Variants in AOX1 observed in about 807,000 individuals in gnomAD.
AOX1 encodes aldehyde oxidase.
In AOX1, 153 loss-of-function variants were observed where a neutral mutation model predicts 169.5. The observed-to-expected ratio is 0.90, with a 90% CI of 0.79 to 1.03. AOX1 has a LOEUF of 1.03. AOX1 is among the 50% of genes least tolerant of loss of function. The pLI is 0.00. For synonymous variants in AOX1, 562 were observed against 581.9 expected (o/e 0.97, Z 0.49); for missense variants, 1,656 against 1,663.9 (o/e 1.00, Z 0.08).
Position 200,599,683 on chromosome 2 carries a change from A to ATCT in AOX1, c.374_376dup (p.Ile125_Tyr126insPhe). 1 of 1,613,346 alleles carries ATCT rather than the reference A, an allele frequency of 6.2e-7. No individual in the cohort carries two copies. Among genetic ancestry groups the ATCT allele is most frequent in the Non-Finnish European group, 8.5e-7 (1 of 1,179,518 alleles). ...CTGCACACCTGGGATGGTGATGTCCATCTACACGCTGCTCAGGAACCACCC... is the reference window on the plus strand; with the variant it reads ...CTGCACACCTGGGATGGTGATGTCCATCTTCTACACGCTGCTCAGGAACCACCC... On this transcript the variant is annotated inframe_insertion, in exon 5 of 35. Coordinates refer to ENST00000374700, the MANE Select transcript of AOX1 (RefSeq NM_001159.4).
At chr2:200,681,466 A>G (rs896953735), downstream of AOX1, 1 of 152,686 alleles carries the variant, frequency 6.5e-6, no homozygotes, top group Non-Finnish European at 1.5e-5. Context: ...CTCTCCACAG[A>G]GCAATTAATG....
At chr2:200,589,704 C>T (rs1396750438) in intron 1 of AOX1, among the ~76,000 whole-genome samples, 2 of 152,160 alleles carry the variant, frequency 1.3e-5, no homozygotes, top group African/African-American at 4.8e-5. Context: ...GTTTCATTAG[C>T]AGAGCCAGAA....
rs2034943230 is a variant in AOX1, at chr2:200,623,886, G to A, written c.2027G>A (p.Cys676Tyr). Residue 676 changes from cysteine (C) to tyrosine (Y), a missense_variant, in exon 19 of 35, where the codon TGT becomes TAT. Coordinates refer to ENST00000374700, the MANE Select transcript of AOX1 (RefSeq NM_001159.4). ...GTGTTCTGTGTGGGTCAGCTTGTCT[G>A]TGCTGTGCTTGCCGATTCTGAGGTT... ...DKVFCVGQLVCAVLADSEVQA... is the reference protein window; with the variant it reads ...DKVFCVGQLVYAVLADSEVQA... 6.2e-7 allele frequency: 1 copy of A among 1,614,078 alleles called. No homozygotes were observed.
chr2:200,673,384 C>A (rs111818809), downstream of AOX1, among the ~76,000 whole-genome samples: 1 of 152,178 alleles, frequency 6.6e-6, no homozygotes, highest in Non-Finnish European at 1.5e-5. Flanking sequence ...GTTGCTAGGC[C>A]GGAAACGGGA....
At chr2:200,589,678 G>C (rs942346341) in intron 1 of AOX1, among the ~76,000 whole-genome samples, 1 of 152,162 alleles carries the variant, frequency 6.6e-6, no homozygotes, top group Non-Finnish European at 1.5e-5. Context: ...TTGCTATCTG[G>C]ACTATAAAAT....
At chr2:200,586,942 C>T (rs376931290) in intron 1 of AOX1, among the ~76,000 whole-genome samples, 9 of 152,276 alleles carry the variant, frequency 5.9e-5, no homozygotes, top group African/African-American at 1.9e-4. Flanking sequence ...GTTTCATTGA[C>T]ATTACTCTGA....
intron 28 of AOX1, 117 bp from the exon 29 acceptor site, chr2:200,659,878 C>T: frequency 1.3e-6 from 1 of 770,498 alleles, no homozygotes; most frequent in Non-Finnish European, 2.1e-6. Flanking sequence ...GGGTTGGTGT[C>T]TTATTTTTCC....
intron 25 of AOX1, among the ~76,000 whole-genome samples, chr2:200,650,603 A>G (rs994388324): frequency 4.6e-5 from 7 of 152,242 alleles, no homozygotes; most frequent in African/African-American, 1.7e-4. Flanking sequence ...CTTGCAACAT[A>G]GCATGGGAGT....
intron 25 of AOX1, among the ~76,000 whole-genome samples, chr2:200,650,696 G>A (rs572788444): frequency 1.1e-4 from 16 of 152,328 alleles, no homozygotes; most frequent in African/African-American, 3.4e-4. Flanking sequence ...TACATGGACT[G>A]TGTTGAGTTA....
intron 15 of AOX1, 72 bp from the exon 16 acceptor site, chr2:200,615,899 C>T: frequency 1.8e-6 from 2 of 1,128,512 alleles, no homozygotes; most frequent in Non-Finnish European, 2.7e-6. Flanking sequence ...AAGACTCATG[C>T]TAGCCTCACT....
At chr2:200,617,000 C>T (rs577335726) in intron 16 of AOX1, among the ~76,000 whole-genome samples, 4 of 152,240 alleles carry the variant, frequency 2.6e-5, no homozygotes, top group African/African-American at 4.8e-5. Flanking sequence ...GCCATCTCCC[C>T]GGTGTTCTTT....
At position 200,605,507 on chromosome 2, in the gene AOX1, T is replaced by C. The variant is rs760348428; in HGVS notation, c.815-29T>C. The C allele has an allele frequency of 1.9e-5, 20 of 1,045,582 alleles. 1 individual carries two copies. The highest frequency in any genetic ancestry group is 6.3e-5 in the Admixed American group (2 of 31,906). The allele number at this position is 1,045,582 out of a possible 1,614,324, so 64.8% of individuals were successfully genotyped here. On this transcript the variant is annotated intron_variant, in intron 9 of 34. Coordinates refer to ENST00000374700, the MANE Select transcript of AOX1 (RefSeq NM_001159.4). ...AGTTAGTTCCTTTATTCTAGTCTTA[T>C]TGATTTTTTTTTTTTTTTGATCCTT...
Position 200,659,080 on chromosome 2 carries a change from A to G in AOX1, c.3172-85A>G, listed in dbSNP as rs2035752952. ...TTGTCCCTGTCATGGGTATGAGGGT[A>G]TCACACATGTGTTACCACGTGGGCA... is the stretch of plus-strand genomic sequence containing the variant. On this transcript the variant is annotated intron_variant, in intron 27 of 34. Coordinates refer to ENST00000374700, the MANE Select transcript of AOX1 (RefSeq NM_001159.4). 26 of 1,316,636 alleles carry G rather than the reference A, an allele frequency of 2.0e-5. No individual in the cohort carries two copies. The South Asian group carries it at 3.4e-4, about 17-fold the overall frequency. 81.6% of individuals were successfully genotyped at this position (1,316,636 alleles called of 1,614,324 possible). A position where few individuals can be genotyped will look rare whatever the true frequency, so the allele number is the denominator to read the frequency against.
At position 200,666,678 on chromosome 2, in the gene AOX1, T is replaced by A. The variant is rs2035929199; in HGVS notation, c.3544-9T>A. 2 of 1,587,962 alleles carry A rather than the reference T, an allele frequency of 1.3e-6. No homozygotes were observed. Among genetic ancestry groups the A allele is most frequent in the Non-Finnish European group, 1.7e-6 (2 of 1,169,912 alleles). ...TAAAATAAACATTTTAACTTTTTTT[T>A]AATACTAGAACATCAGAACAGACAT... On this transcript the variant is annotated splice_polypyrimidine_tract_variant and intron_variant, in intron 31 of 34. Coordinates refer to ENST00000374700, the MANE Select transcript of AOX1 (RefSeq NM_001159.4).
At chr2:200,597,293 T>G in intron 3 of AOX1, 104 bp from the exon 4 acceptor site, 1 of 715,406 alleles carries the variant, frequency 1.4e-6, no homozygotes, top group Non-Finnish European at 2.2e-6. Context: ...CTGGGTACAT[T>G]ATACAAAAAC....
At chr2:200,587,214 G>A (rs2034057262) in intron 1 of AOX1, among the ~76,000 whole-genome samples, 1 of 151,910 alleles carries the variant, frequency 6.6e-6, no homozygotes, top group Non-Finnish European at 1.5e-5. Flanking sequence ...CTTGAGTCTA[G>A]GAGTTCAAGG....
chr2:200,679,109 A>G (rs2036132976), downstream of AOX1, among the ~76,000 whole-genome samples: 2 of 152,218 alleles, frequency 1.3e-5, no homozygotes, highest in African/African-American at 4.8e-5. Flanking sequence ...TCCAAGTAGT[A>G]GACTCTTTAT....
chr2:200,650,072 T>C (rs1277334219), intron 25 of AOX1, among the ~76,000 whole-genome samples: 5 of 152,118 alleles, frequency 3.3e-5, no homozygotes, highest in Non-Finnish European at 7.4e-5. Context: ...CACCCAACAG[T>C]AGCCACTTTC....
chr2:200,659,035 G>GA, intron 27 of AOX1, 130 bp from the exon 28 acceptor site: 2 of 760,772 alleles, frequency 2.6e-6, no homozygotes. Flanking sequence ...ATGGCTGGAG[G>GA]AATTTGTGGT....
Sources: gnomAD v4.1 joint callset for allele counts (sites outside exome capture counted in the v4.1 genomes callset) on GRCh38, gnomAD v4.1.1 for gene constraint, MANE v1.5 for transcripts, NCBI Gene and HGNC (gene_info 2026-07-23, HGNC 2026-07-21) for gene names.